The following C4orf36 variants were observed in gnomAD, a reference collection of about 807,000 sequenced individuals.
C4orf36 encodes chromosome 4 open reading frame 36.
In C4orf36, 11 loss-of-function variants were observed where a neutral mutation model predicts 12.2. That is an observed-to-expected ratio of 0.90 (90% CI 0.57 to 1.49). C4orf36 has a LOEUF of 1.49. Ranked by LOEUF, C4orf36 falls within the 40% of genes most tolerant of loss-of-function variation. The probability of loss-of-function intolerance (pLI) is 0.00; values close to 1 mark genes in which losing one functional copy is unlikely to be tolerated. For synonymous variants in C4orf36, 54 were observed against 51.3 expected (o/e 1.05, Z -0.22); for missense variants, 137 against 133.9 (o/e 1.02, Z -0.11).
chr4:86,918,295 G>A, the C4orf36 span, among the ~76,000 whole-genome samples: 8 of 152,182 alleles, frequency 5.3e-5, no homozygotes, highest in African/African-American at 1.9e-4. Flanking sequence ...CACTTTTAAA[G>A]ATCGGATTCT....
the C4orf36 span, among the ~76,000 whole-genome samples, chr4:86,919,260 T>A: frequency 6.6e-6 from 1 of 152,088 alleles, no homozygotes; most frequent in Admixed American, 6.6e-5. Flanking sequence ...ACTTTTTCAT[T>A]TTTTACATGA....
the C4orf36 span, among the ~76,000 whole-genome samples, chr4:86,916,380 A>C: frequency 6.6e-6 from 1 of 152,120 alleles, no homozygotes; most frequent in South Asian, 2.1e-4. Flanking sequence ...AAAAAAAAAA[A>C]AAAAACTTTT....
chr4:86,898,103 T>C, the C4orf36 span, among the ~76,000 whole-genome samples: 2 of 152,292 alleles, frequency 1.3e-5, no homozygotes, highest in Non-Finnish European at 1.5e-5. Context: ...TAAAAGTATA[T>C]CACAGAGGCC....
chr4:86,878,694 C>T (rs1447870345), intron 4 of C4orf36, among the ~76,000 whole-genome samples: 2 of 152,184 alleles, frequency 1.3e-5, no homozygotes, highest in East Asian at 3.9e-4. Context: ...ATCCAACATT[C>T]TGGTTTTTCG....
intron 4 of C4orf36, among the ~76,000 whole-genome samples, chr4:86,882,678 T>C (rs1747075543): frequency 6.6e-6 from 1 of 152,216 alleles, no homozygotes; most frequent in South Asian, 2.1e-4. Context: ...ATGAACTGTG[T>C]CTGTGCCCTG....
chr4:86,891,423 T>C (rs1236879415), intron 2 of C4orf36, 33 bp downstream of exon 2: 3 of 1,506,758 alleles, frequency 2.0e-6, no homozygotes, highest in South Asian at 1.1e-5. Flanking sequence ...AGTCAATGCT[T>C]ACCCTGATTT....
chr4:86,911,393 AT>A, the C4orf36 span, among the ~76,000 whole-genome samples: 32 of 152,226 alleles, frequency 2.1e-4, no homozygotes, highest in African/African-American at 7.7e-4. Context: ...CAACACACAG[AT>A]CAGACAGATC....
At chr4:86,913,746 C>T in the C4orf36 span, 2 of 1,520,348 alleles carry the variant, frequency 1.3e-6, no homozygotes, top group Admixed American at 1.7e-5. Flanking sequence ...GCCACCAGTG[C>T]CACTGCCACC....
Position 86,876,248 on chromosome 4 carries a change from A to T in C4orf36, c.*198T>A. 1.8e-6 allele frequency: 1 copy of T among 549,340 alleles called. No homozygotes were observed. 34.0% of individuals were successfully genotyped at this position (549,340 alleles called of 1,614,324 possible). A position where few individuals can be genotyped will look rare whatever the true frequency, so the allele number is the denominator to read the frequency against. Reference sequence around the variant, plus strand: ...TAACTGGCAATGTTTAAAAAGAGAAACAAACTGAGTTCCACTGAAATTAAG... The same window carrying T: ...TAACTGGCAATGTTTAAAAAGAGAATCAAACTGAGTTCCACTGAAATTAAG... On this transcript the variant is annotated 3_prime_UTR_variant, in exon 5 of 5. Transcript: ENST00000295898.
At chr4:86,891,716 G>T (rs1747424670) in intron 1 of C4orf36, 123 bp from the exon 2 acceptor site, 2 of 884,070 alleles carry the variant, frequency 2.3e-6, no homozygotes, top group Non-Finnish European at 1.6e-6. Context: ...GGAACCCCAA[G>T]TGTAAAACCG....
chr4:86,908,218 C>CACACACACACAT, the C4orf36 span, among the ~76,000 whole-genome samples: 42 of 148,704 alleles, frequency 2.8e-4, no homozygotes, highest in East Asian at 8.2e-4. Flanking sequence ...CACACACACA[C>CACACACACACAT]GTTGCTGGTG....
At chr4:86,899,513 C>G in the C4orf36 span, among the ~76,000 whole-genome samples, 55 of 152,058 alleles carry the variant, frequency 3.6e-4, no homozygotes, top group Non-Finnish European at 1.3e-4. Flanking sequence ...GTTTCTAAAT[C>G]TGGTATTCCA....
At chr4:86,916,181 T>C in the C4orf36 span, among the ~76,000 whole-genome samples, 1 of 152,060 alleles carries the variant, frequency 6.6e-6, no homozygotes, top group Non-Finnish European at 1.5e-5. Flanking sequence ...GGTTGGATGG[T>C]CAAGAAAGGA....
chr4:86,916,613 C>T, the C4orf36 span, among the ~76,000 whole-genome samples: 2 of 152,136 alleles, frequency 1.3e-5, no homozygotes, highest in African/African-American at 4.8e-5. Flanking sequence ...TGGTAGCAGG[C>T]TGATTATACT....
chr4:86,881,279 A>G (rs937328338), intron 4 of C4orf36, among the ~76,000 whole-genome samples: 1 of 152,212 alleles, frequency 6.6e-6, no homozygotes, highest in African/African-American at 2.4e-5. Flanking sequence ...CTGAAGTTGA[A>G]TTGTTATCAG....
At chr4:86,915,037 C>T in the C4orf36 span, among the ~76,000 whole-genome samples, 4 of 152,152 alleles carry the variant, frequency 2.6e-5, no homozygotes, top group Admixed American at 1.3e-4. Context: ...TATTAATCTT[C>T]CTGTATATGA....
chr4:86,914,301 C>T, the C4orf36 span: 1 of 1,599,672 alleles, frequency 6.3e-7, no homozygotes, highest in Non-Finnish European at 8.6e-7. Context: ...GATGCGGTCG[C>T]TCTTGGGAGC....
chr4:86,913,475 G>C, the C4orf36 span: 4 of 772,704 alleles, frequency 5.2e-6, no homozygotes, highest in East Asian at 5.0e-5. Context: ...TGACAGACAT[G>C]TTGCGTTGGA....
At chr4:86,915,155 C>G in the C4orf36 span, among the ~76,000 whole-genome samples, 1 of 152,116 alleles carries the variant, frequency 6.6e-6, no homozygotes, top group South Asian at 2.1e-4. Context: ...GGTGAAAGCC[C>G]TCCCATGCCA....
Sources: gnomAD v4.1 joint callset for allele counts (sites outside exome capture counted in the v4.1 genomes callset) on GRCh38, gnomAD v4.1.1 for gene constraint, MANE v1.5 for transcripts, NCBI Gene and HGNC (gene_info 2026-07-23, HGNC 2026-07-21) for gene names.